Variants in NCALD observed in about 807,000 individuals in gnomAD.
The protein encoded by NCALD is neurocalcin delta, also known as neurocalcin-delta.
Under a neutral mutation model 18.6 loss-of-function variants are expected in NCALD, and 10 were observed. That is an observed-to-expected ratio of 0.54 (90% CI 0.33 to 0.91). NCALD has a LOEUF of 0.91. Among genes scored for constraint, NCALD ranks in the 40% least tolerant of loss-of-function variants. The pLI is 0.03. For synonymous variants in NCALD, 88 were observed against 87.4 expected (o/e 1.01, Z -0.04); for missense variants, 184 against 247.6 (o/e 0.74, Z 1.72).
chr8:101,895,600 T>C (rs1310053950), intron 3 of NCALD, among the ~76,000 whole-genome samples: 1 of 148,954 alleles, frequency 6.7e-6, no homozygotes, highest in Admixed American at 6.6e-5. Context: ...GACATGATTG[T>C]ATATCTAGAA....
At chr8:101,833,610 GTTTTTTT>G (rs555031298) in intron 4 of NCALD, among the ~76,000 whole-genome samples, 9 of 88,466 alleles carry the variant, frequency 1.0e-4, no homozygotes, top group South Asian at 4.4e-4. Flanking sequence ...TTTGTTTCTT[GTTTTTTT>G]TTTTTTTTTT....
chr8:101,736,776 C>T (rs1586352484), intron 1 of NCALD, among the ~76,000 whole-genome samples: 1 of 152,202 alleles, frequency 6.6e-6, no homozygotes, highest in Middle Eastern at 3.4e-3. Flanking sequence ...TCAGAGAAGC[C>T]CCACAGCAAA....
chr8:101,733,335 C>T (rs1563709802), intron 1 of NCALD, among the ~76,000 whole-genome samples: 1 of 152,148 alleles, frequency 6.6e-6, no homozygotes, highest in Non-Finnish European at 1.5e-5. Context: ...GAGAATTGGA[C>T]TTGGTAGCAG....
intron 1 of NCALD, chr8:102,123,858 G>A (rs1456080848): frequency 6.6e-6 from 1 of 152,412 alleles, no homozygotes; most frequent in African/African-American, 2.4e-5. Flanking sequence ...TGCTCCAGAG[G>A]TCCCCGGGCC....
chr8:101,932,548 A>AT (rs1818616795), intron 2 of NCALD, among the ~76,000 whole-genome samples: 1 of 152,000 alleles, frequency 6.6e-6, no homozygotes, highest in Non-Finnish European at 1.5e-5. Flanking sequence ...CTTTCTTTCC[A>AT]TTTTTTTCCC....
intron 4 of NCALD, among the ~76,000 whole-genome samples, chr8:101,867,030 T>C (rs1815798679): frequency 6.6e-6 from 1 of 152,144 alleles, no homozygotes; most frequent in Admixed American, 6.5e-5. Flanking sequence ...CTCTGTTCTC[T>C]CTGCTCCAGC....
intron 2 of NCALD, among the ~76,000 whole-genome samples, chr8:101,714,583 T>A (rs949739232): frequency 1.3e-5 from 2 of 152,222 alleles, no homozygotes; most frequent in Non-Finnish European, 2.9e-5. Context: ...AATTTATAGA[T>A]TCAATGCTCT....
intron 4 of NCALD, among the ~76,000 whole-genome samples, chr8:101,881,228 A>G (rs1434994775): frequency 6.6e-6 from 1 of 152,214 alleles, no homozygotes; most frequent in Non-Finnish European, 1.5e-5. Context: ...ATATTACTAC[A>G]TGTCTAAGTA....
chr8:102,019,259 G>A (rs892568196), intron 2 of NCALD, among the ~76,000 whole-genome samples: 6 of 151,968 alleles, frequency 3.9e-5, no homozygotes, highest in South Asian at 2.1e-4. Flanking sequence ...AACAAAAACA[G>A]AAAACACCTT....
chr8:101,738,552 C>CAAAAAAAAAAAAAAAAAAAAA (rs34205453), intron 1 of NCALD, among the ~76,000 whole-genome samples: 3 of 127,916 alleles, frequency 2.3e-5, no homozygotes, highest in Non-Finnish European at 3.3e-5. Context: ...CTCAAAAAAA[C>CAAAAAAAAAAAAAAAAAAAAA]AAAAAAAAAA....
At chr8:101,866,581 A>G (rs545225191) in intron 4 of NCALD, among the ~76,000 whole-genome samples, 2 of 152,070 alleles carry the variant, frequency 1.3e-5, no homozygotes, top group Admixed American at 6.5e-5. Flanking sequence ...AGTCATTCCT[A>G]TTCTCATAAC....
intron 1 of NCALD, chr8:102,123,859 TC>T (rs1337216289): frequency 1.3e-5 from 2 of 150,834 alleles, no homozygotes; most frequent in Non-Finnish European, 3.0e-5. Flanking sequence ...GCTCCAGAGG[TC>T]CCCGGGCCGC....
At chr8:102,062,049 G>A (rs1411189729) in intron 1 of NCALD, among the ~76,000 whole-genome samples, 1 of 152,146 alleles carries the variant, frequency 6.6e-6, no homozygotes, top group Non-Finnish European at 1.5e-5. Flanking sequence ...TGACTTTTTG[G>A]TTAAATATAA....
chr8:101,691,336 G>A (rs1340128039), intron 3 of NCALD: 1 of 985,266 alleles, frequency 1.0e-6, no homozygotes, highest in East Asian at 1.1e-4. Context: ...GTCTTTAGCA[G>A]TAAGTTGTGC....
chr8:101,812,314 C>G (rs1013063874), intron 4 of NCALD, among the ~76,000 whole-genome samples: 1 of 152,116 alleles, frequency 6.6e-6, no homozygotes. Context: ...ATCACTAAAG[C>G]TTTTAGGGCC....
At chr8:101,810,817 T>TTA (rs1172511043) in intron 4 of NCALD, among the ~76,000 whole-genome samples, 1 of 152,146 alleles carries the variant, frequency 6.6e-6, no homozygotes, top group African/African-American at 2.4e-5. Flanking sequence ...TTACACAGAT[T>TTA]TATATAAATC....
At chr8:101,921,811 A>C (rs1818175194) in intron 2 of NCALD, among the ~76,000 whole-genome samples, 1 of 152,198 alleles carries the variant, frequency 6.6e-6, no homozygotes, top group Non-Finnish European at 1.5e-5. Flanking sequence ...ACTATAGAAG[A>C]TGTTTGGTTT....
At chr8:101,855,285 T>C (rs546766514) in intron 4 of NCALD, among the ~76,000 whole-genome samples, 1 of 152,048 alleles carries the variant, frequency 6.6e-6, no homozygotes, top group Non-Finnish European at 1.5e-5. Context: ...AGCCAATGAG[T>C]TGTGAGCAGA....
At chr8:101,948,758 GGTTAC>G (rs1482306111) in intron 2 of NCALD, among the ~76,000 whole-genome samples, 1 of 152,178 alleles carries the variant, frequency 6.6e-6, no homozygotes, top group Non-Finnish European at 1.5e-5. Flanking sequence ...GCAGGGCGGA[GGTTAC>G]CCTGAAGACC....
Sources: gnomAD v4.1 joint callset for allele counts (sites outside exome capture counted in the v4.1 genomes callset) on GRCh38, gnomAD v4.1.1 for gene constraint, MANE v1.5 for transcripts, NCBI Gene and HGNC (gene_info 2026-07-23, HGNC 2026-07-21) for gene names.